The following SNRNP200 variants were observed in gnomAD, a reference collection of about 807,000 sequenced individuals.
SNRNP200 encodes the protein small nuclear ribonucleoprotein U5 subunit 200.
SNRNP200 carries 66 observed loss-of-function variants against 255.2 expected under a neutral mutation model. The ratio of observed to expected loss-of-function variants is 0.26; its 90% CI spans 0.21 to 0.32. The LOEUF (loss-of-function observed/expected upper bound fraction) is 0.32. Among genes scored for constraint, SNRNP200 ranks in the 10% least tolerant of loss-of-function variants. The pLI is 1.00. For missense variants in SNRNP200, 1,585 were observed against 2,749.8 expected (o/e 0.58, Z 9.47); for synonymous variants, 939 against 1,027.8 (o/e 0.91, Z 1.65).
intron 12 of SNRNP200, 93 bp downstream of exon 12, chr2:96,296,840 A>T (rs150413096): frequency 2.5e-6 from 4 of 1,572,170 alleles, no homozygotes; most frequent in Non-Finnish European, 3.5e-6. Flanking sequence ...AAGGACAAAG[A>T]ATTAGGGGGT....
At position 96,298,801 on chromosome 2, in the gene SNRNP200, C is replaced by G; in HGVS notation, c.882+14G>C. 6.2e-7 allele frequency: 1 copy of G among 1,614,154 alleles called. No homozygotes were observed. Among genetic ancestry groups the G allele is most frequent in the Non-Finnish European group, 8.5e-7 (1 of 1,180,010 alleles). Reference sequence around the variant, plus strand: ...GATACACTAAATATACAACTATTGTCATCTTGGCCATACCTTCAAAATCTC... The same window carrying G: ...GATACACTAAATATACAACTATTGTGATCTTGGCCATACCTTCAAAATCTC... On this transcript the variant is annotated intron_variant, in intron 7 of 44. Coordinates refer to ENST00000323853, the MANE Select transcript of SNRNP200 (RefSeq NM_014014.5).
Position 96,297,343 on chromosome 2 carries a change from G to A in SNRNP200, c.1377+20C>T, listed in dbSNP as rs373961497. 1.9e-6 allele frequency: 3 copies of A among 1,612,502 alleles called. No individual in the cohort carries two copies. Among genetic ancestry groups the A allele is most frequent in the South Asian group, 1.1e-5 (1 of 90,998 alleles). The stretch of plus-strand genomic sequence containing the variant: ...CAGGAGGTGAACTGAGCAGAGAACT[G>A]AAGAAAGCAATTCACTTACTTCTTC... On this transcript the variant is annotated intron_variant, in intron 11 of 44. Coordinates refer to ENST00000323853, the MANE Select transcript of SNRNP200 (RefSeq NM_014014.5).
In SNRNP200 at chr2:96,301,063, TGAAGGATTA is replaced by T. The variant is rs756302866; in HGVS notation, c.575-19_575-11del. 4.0e-5 allele frequency: 64 copies of T among 1,613,608 alleles called. 1 individual carries two copies. Among genetic ancestry groups the T allele is most frequent in the South Asian group, 3.0e-4 (27 of 91,066 alleles). On this transcript the variant is annotated splice_polypyrimidine_tract_variant and intron_variant, in intron 4 of 44. Transcript: ENST00000323853. ...TCATCAATGTTGTCATCTGAAACAATGAAGGATTAGAAAAAGAGGGCAGTGAATGGCTAG... is the reference window on the plus strand; with the variant it reads ...TCATCAATGTTGTCATCTGAAACAATGAAAAAGAGGGCAGTGAATGGCTAG...
intron 36 of SNRNP200, chr2:96,279,201 T>G: frequency 1.5e-6 from 1 of 653,794 alleles, no homozygotes; most frequent in Non-Finnish European, 2.7e-6. Flanking sequence ...GGCAGAGCAG[T>G]GAGCAGCCCA....
chr2:96,281,997 G>T, intron 34 of SNRNP200, 75 bp from the exon 35 acceptor site: 1 of 1,137,490 alleles, frequency 8.8e-7, no homozygotes, highest in Non-Finnish European at 1.3e-6. Flanking sequence ...TCATGGGCAG[G>T]CCGTGGCTTA....
At position 96,277,018 on chromosome 2, in the gene SNRNP200, A is replaced by T. The variant is rs1327224451; in HGVS notation, c.6093-33T>A. ...GGGAGAGGAGGGGCGCACGTCAGTG[A>T]TGGGGCAGTGGGCTCAGAGCACACT... On this transcript the variant is annotated intron_variant, in intron 42 of 44. Coordinates refer to ENST00000323853, the MANE Select transcript of SNRNP200 (RefSeq NM_014014.5). This position sits in a 1 kb window ranked among gnomAD's most constrained non-coding sequence, Gnocchi z 4.4. 1 of 1,614,024 alleles carries T rather than the reference A, an allele frequency of 6.2e-7. No homozygotes were observed. The highest frequency in any genetic ancestry group is 8.5e-7 in the Non-Finnish European group (1 of 1,179,916).
chr2:96,287,395 A>C lies in SNRNP200; in HGVS notation c.3484+44T>G. 1 of 1,412,216 alleles carries C rather than the reference A, an allele frequency of 7.1e-7. No homozygotes were observed. The allele number at this position is 1,412,216 out of a possible 1,614,324, so 87.5% of individuals were successfully genotyped here. A position where few individuals can be genotyped will look rare whatever the true frequency, so the allele number is the denominator to read the frequency against. On this transcript the variant is annotated intron_variant, in intron 26 of 44. Coordinates refer to ENST00000323853, the MANE Select transcript of SNRNP200 (RefSeq NM_014014.5). This position sits in a 1 kb window ranked among gnomAD's most constrained non-coding sequence, Gnocchi z 5.7. ...GAAGACTACATAGGCAAACTGGGAG[A>C]GACACCCAGGCAGTGAGGACAAGGG...
Position 96,291,543 on chromosome 2 carries a change from A to G in SNRNP200, c.2311-41T>C, listed in dbSNP as rs747042030. On this transcript the variant is annotated intron_variant, in intron 17 of 44. Coordinates refer to ENST00000323853, the MANE Select transcript of SNRNP200 (RefSeq NM_014014.5). The surrounding 1 kb of genome is among the most constrained non-coding windows in gnomAD (Gnocchi z 4.2). ...CCGGGGATGAGGCGAGCCTTCCTGT[A>G]GGACTCATCCAAGGACTAAGGAAAT... 96 of 1,378,228 alleles carry G rather than the reference A, an allele frequency of 7.0e-5. No individual in the cohort carries two copies. Among genetic ancestry groups the G allele is most frequent in the Middle Eastern group, 1.8e-4 (1 of 5,624 alleles). The allele number at this position is 1,378,228 out of a possible 1,614,324, so 85.4% of individuals were successfully genotyped here. A position where few individuals can be genotyped will look rare whatever the true frequency, so the allele number is the denominator to read the frequency against.
At position 96,278,417 on chromosome 2, in the gene SNRNP200, C is replaced by G. The variant is rs202173101; in HGVS notation, c.5489-59G>C. Reference sequence around the variant, plus strand: ...ACCAGGCAGAGAAGGAGCAGAACTGCCCGGGCTCCCCTGCTGTCCCCTGCA... The same window carrying G: ...ACCAGGCAGAGAAGGAGCAGAACTGGCCGGGCTCCCCTGCTGTCCCCTGCA... On this transcript the variant is annotated intron_variant, in intron 38 of 44. Transcript: ENST00000323853. The surrounding 1 kb of genome is among the most constrained non-coding windows in gnomAD (Gnocchi z 6.9). 5 of 1,612,882 alleles carry G rather than the reference C, an allele frequency of 3.1e-6. No homozygotes were observed. In the Admixed American group the frequency reaches 8.3e-5, roughly 27 times the overall value.
intron 7 of SNRNP200, 43 bp downstream of exon 7, chr2:96,298,772 C>T: frequency 3.7e-6 from 6 of 1,614,046 alleles, no homozygotes; most frequent in Non-Finnish European, 5.1e-6. Context: ...TCCCCATGTG[C>T]TAAGATACAC....
intron 23 of SNRNP200, 104 bp downstream of exon 23, chr2:96,288,933 A>G: frequency 8.7e-7 from 1 of 1,144,138 alleles, no homozygotes; most frequent in Admixed American, 2.0e-5. Flanking sequence ...AGGAGAACTG[A>G]GCAGGAAACC....
At position 96,305,509 on chromosome 2, in the gene SNRNP200, G is replaced by C. The variant is rs1393766540; in HGVS notation, c.-72C>G. The C allele has an allele frequency of 1.1e-5, 17 of 1,596,810 alleles. No individual in the cohort carries two copies. The highest frequency in any genetic ancestry group is 1.4e-5 in the Non-Finnish European group (16 of 1,167,570). On this transcript the variant is annotated 5_prime_UTR_variant, in exon 1 of 45. Transcript: ENST00000323853. Reference sequence around the variant, plus strand: ...AAGCTGCAAACGGCCGCAGATCTCTGCTCCCGCCGCGCCGGAACGACGCAG... The same window carrying C: ...AAGCTGCAAACGGCCGCAGATCTCTCCTCCCGCCGCGCCGGAACGACGCAG...
intron 23 of SNRNP200, 105 bp downstream of exon 23, chr2:96,288,932 G>T: frequency 8.8e-7 from 1 of 1,142,756 alleles, no homozygotes; most frequent in South Asian, 1.3e-5. Context: ...TAGGAGAACT[G>T]AGCAGGAAAC....
chr2:96,291,504 TG>T lies in SNRNP200; in HGVS notation c.2311-3del. ...CAGAAGATCCTTCAGCTCTAGGTTC[TG>T]TGGAACAAAGAACCGGGGATGAGGC... On this transcript the variant is annotated splice_region_variant and splice_polypyrimidine_tract_variant and intron_variant, in intron 17 of 44. Coordinates refer to ENST00000323853, the MANE Select transcript of SNRNP200 (RefSeq NM_014014.5). This position sits in a 1 kb window ranked among gnomAD's most constrained non-coding sequence, Gnocchi z 4.2. 1 of 1,598,752 alleles carries T rather than the reference TG, an allele frequency of 6.3e-7. No homozygotes were observed. The highest frequency in any genetic ancestry group is 8.6e-7 in the Non-Finnish European group (1 of 1,166,000).
intron 9 of SNRNP200, 147 bp downstream of exon 9, chr2:96,298,137 T>C (rs1023148278): frequency 3.4e-5 from 39 of 1,156,900 alleles, no homozygotes; most frequent in Non-Finnish European, 4.2e-5. Context: ...GATGTGTTGA[T>C]TCTAACCTGT....
chr2:96,295,381 A>T, intron 14 of SNRNP200, 107 bp downstream of exon 14: 2 of 1,475,954 alleles, frequency 1.4e-6, no homozygotes, highest in Non-Finnish European at 1.9e-6. Context: ...GTCATTACAA[A>T]GGCTAGTGCC....
rs1332134246 is a variant in SNRNP200, at chr2:96,278,357, C to T, written c.5490G>A (p.Glu1830=). The T allele has an allele frequency of 6.2e-7, 1 of 1,614,168 alleles. No homozygotes were observed. The highest frequency in any genetic ancestry group is 1.7e-5 in the Admixed American group (1 of 60,028). The change falls in exon 39 of 45, where the codon GAG becomes GAA. Residue 1830 remains glutamate (E), a splice_region_variant and synonymous_variant. Transcript: ENST00000323853. This position sits in a 1 kb window ranked among gnomAD's most constrained non-coding sequence, Gnocchi z 6.9. ...AYYYINYTTI[E]LFSMSLNAKT... ...TGGCATTGAGGGACATGCTGAAGAG[C>T]TCTGACAGAAAAAGGAAATGTGAGA... is the stretch of plus-strand genomic sequence containing the variant.
chr2:96,278,529 G>A lies in SNRNP200; in HGVS notation c.5488+18C>T. On this transcript the variant is annotated intron_variant, in intron 38 of 44. Coordinates refer to ENST00000323853, the MANE Select transcript of SNRNP200 (RefSeq NM_014014.5). The surrounding 1 kb of genome is among the most constrained non-coding windows in gnomAD (Gnocchi z 6.9). ...AAAAGGCTCCCACAGACAGGACACG[G>A]GCCATGCCGGGCCTCACCAATGGTG... The A allele has an allele frequency of 6.2e-7, 1 of 1,613,566 alleles. No individual in the cohort carries two copies. Among genetic ancestry groups the A allele is most frequent in the Middle Eastern group, 1.7e-4 (1 of 6,060 alleles).
chr2:96,304,876 G>C lies in SNRNP200; in HGVS notation c.46-8C>G. 6.2e-7 allele frequency: 1 copy of C among 1,613,726 alleles called. No homozygotes were observed. The highest frequency in any genetic ancestry group is 8.5e-7 in the Non-Finnish European group (1 of 1,179,834). On this transcript the variant is annotated splice_region_variant and splice_polypyrimidine_tract_variant and intron_variant, in intron 1 of 44. Coordinates refer to ENST00000323853, the MANE Select transcript of SNRNP200 (RefSeq NM_014014.5). ...GAGCACAAGATTCGAGTTCTGAAAA[G>C]ATCAAAACATTATTGAAGCTTTGAC...
Sources: gnomAD v4.1 joint callset for allele counts on GRCh38, gnomAD v4.1.1 for gene constraint, Gnocchi (gnomAD v3.1) non-coding constraint, MANE v1.5 for transcripts, NCBI Gene and HGNC (gene_info 2026-07-23, HGNC 2026-07-21) for gene names.